Variants in SLC17A6 observed in about 807,000 individuals in gnomAD.
SLC17A6 encodes solute carrier family 17 member 6.
Under a neutral mutation model 67.1 loss-of-function variants are expected in SLC17A6, and 35 were observed. That is an observed-to-expected ratio of 0.52 (90% CI 0.40 to 0.69). The LOEUF is 0.69. SLC17A6 is among the 30% of genes least tolerant of loss of function. The probability of loss-of-function intolerance (pLI) is 0.00; values close to 1 mark genes in which losing one functional copy is unlikely to be tolerated. For synonymous variants in SLC17A6, 285 were observed against 252.3 expected (o/e 1.13, Z -1.23); for missense variants, 588 against 723.9 (o/e 0.81, Z 2.15).
At chr11:22,340,752 C>T (rs1411620046) in intron 1 of SLC17A6, among the ~76,000 whole-genome samples, 1 of 151,308 alleles carries the variant, frequency 6.6e-6, no homozygotes, top group East Asian at 1.9e-4. Context: ...GTCTCCAACT[C>T]GAGTAATAAG....
chr11:22,340,609 C>T (rs1295647147), intron 1 of SLC17A6, among the ~76,000 whole-genome samples: 1 of 152,130 alleles, frequency 6.6e-6, no homozygotes, highest in Non-Finnish European at 1.5e-5. Context: ...CATTTTGCGT[C>T]TTGGGAAATG....
At chr11:22,373,462 GA>G (rs919269735) in intron 8 of SLC17A6, among the ~76,000 whole-genome samples, 1 of 150,990 alleles carries the variant, frequency 6.6e-6, no homozygotes, top group Non-Finnish European at 1.5e-5. Flanking sequence ...AAGCAATAAT[GA>G]TTTTTTTTTT....
rs746688279 is a variant in SLC17A6 at position 22,343,234 on chromosome 11, T to A, written c.340-13T>A. 6.2e-7 allele frequency: 1 copy of A among 1,608,676 alleles called. No individual in the cohort carries two copies. Among genetic ancestry groups the A allele is most frequent in the Non-Finnish European group, 8.5e-7 (1 of 1,175,410 alleles). Reference sequence around the variant, plus strand: ...ACTCTTTCCCTTCACACTTTTTTCCTACCCCTCCATAGAAAGCCAAATTCA... The same window carrying A: ...ACTCTTTCCCTTCACACTTTTTTCCAACCCCTCCATAGAAAGCCAAATTCA... On this transcript the variant is annotated splice_polypyrimidine_tract_variant and intron_variant, in intron 2 of 11. Coordinates refer to ENST00000263160, the MANE Select transcript of SLC17A6 (RefSeq NM_020346.3).
chr11:22,366,248 G>C (rs1856110878), intron 7 of SLC17A6, among the ~76,000 whole-genome samples: 1 of 152,074 alleles, frequency 6.6e-6, no homozygotes, highest in Admixed American at 6.5e-5. Context: ...TATACTGTAA[G>C]GAAACTTAAG....
In SLC17A6 at chr11:22,341,585, G is replaced by A; in HGVS notation, c.144G>A (p.Lys48=). 6.2e-7 allele frequency: 1 copy of A among 1,614,034 alleles called. No individual in the cohort carries two copies. The highest frequency in any genetic ancestry group is 8.5e-7 in the Non-Finnish European group (1 of 1,180,034). The change falls in exon 2 of 12, where the codon AAG becomes AAA. Residue 48 remains lysine, a synonymous_variant. Transcript: ENST00000263160. ...GETIELTEDG[K]PLEVPERKAP... is the part of the protein sequence containing the mutation. ...CAATCGAGCTGACGGAGGATGGGAA[G>A]CCCCTAGAGGTGCCCGAGAGGAAGG...
At chr11:22,341,893 C>A in intron 2 of SLC17A6, 113 bp downstream of exon 2, 1 of 1,437,482 alleles carries the variant, frequency 7.0e-7, no homozygotes, top group South Asian at 1.4e-5. Context: ...TTTGGGTGCT[C>A]CCTAAGCTCC....
At chr11:22,361,659 T>G (rs1436711814) in intron 5 of SLC17A6, among the ~76,000 whole-genome samples, 1 of 152,202 alleles carries the variant, frequency 6.6e-6, no homozygotes, top group Non-Finnish European at 1.5e-5. Context: ...GAACATGTAT[T>G]AAAGCTTCAA....
intron 2 of SLC17A6, 140 bp from the exon 3 acceptor site, chr11:22,343,107 C>T (rs543229564): frequency 4.0e-6 from 3 of 751,208 alleles, no homozygotes; most frequent in East Asian, 2.5e-5. Context: ...TGTTAGGAAA[C>T]GAAAATGAAG....
chr11:22,345,604 A>C (rs1449080021), intron 3 of SLC17A6, among the ~76,000 whole-genome samples: 2 of 152,164 alleles, frequency 1.3e-5, no homozygotes, highest in Non-Finnish European at 2.9e-5. Flanking sequence ...GTTCTATGAT[A>C]CTGAGAAAAT....
intron 8 of SLC17A6, among the ~76,000 whole-genome samples, chr11:22,370,863 T>C (rs1050126085): frequency 1.3e-4 from 20 of 152,124 alleles, no homozygotes; most frequent in Admixed American, 3.9e-4. Flanking sequence ...GGGAATATAA[T>C]CATTTTGAGA....
At chr11:22,341,891 C>T in intron 2 of SLC17A6, 111 bp downstream of exon 2, 2 of 1,432,542 alleles carry the variant, frequency 1.4e-6, no homozygotes, top group Non-Finnish European at 1.9e-6. Flanking sequence ...GGTTTGGGTG[C>T]TCCCTAAGCT....
chr11:22,375,507 T>C (rs1856222693), intron 9 of SLC17A6, among the ~76,000 whole-genome samples: 1 of 151,990 alleles, frequency 6.6e-6, no homozygotes, highest in South Asian at 2.1e-4. Context: ...TGAGATGGAG[T>C]TTCACTCTTG....
At chr11:22,351,874 C>A (rs1312387761) in intron 3 of SLC17A6, among the ~76,000 whole-genome samples, 1 of 152,058 alleles carries the variant, frequency 6.6e-6, no homozygotes, top group Non-Finnish European at 1.5e-5. Flanking sequence ...TAAGAGTAAT[C>A]CTAGGGATAA....
chr11:22,360,837 A>G, intron 4 of SLC17A6, 60 bp from the exon 5 acceptor site: 2 of 1,445,790 alleles, frequency 1.4e-6, no homozygotes, highest in Non-Finnish European at 1.9e-6. Context: ...TTTGTACAGG[A>G]TACTAAAAAG....
chr11:22,341,278 C>A (rs1340197843), intron 1 of SLC17A6, among the ~76,000 whole-genome samples: 1 of 152,188 alleles, frequency 6.6e-6, no homozygotes, highest in Non-Finnish European at 1.5e-5. Context: ...GAGATGGGGA[C>A]TCGCTACCTT....
At chr11:22,346,781 A>G (rs1006821796) in intron 3 of SLC17A6, among the ~76,000 whole-genome samples, 11 of 149,798 alleles carry the variant, frequency 7.3e-5, no homozygotes, top group African/African-American at 2.7e-4. Flanking sequence ...AAGAACACGG[A>G]CACGTGTTTA....
chr11:22,353,648 AG>A (rs1317863622), intron 3 of SLC17A6, among the ~76,000 whole-genome samples: 1 of 152,252 alleles, frequency 6.6e-6, no homozygotes, highest in African/African-American at 2.4e-5. Flanking sequence ...AGCAGAACAG[AG>A]AACTTCATTT....
chr11:22,374,686 C>T, intron 8 of SLC17A6, 69 bp from the exon 9 acceptor site: 3 of 1,306,204 alleles, frequency 2.3e-6, no homozygotes, highest in Non-Finnish European at 3.1e-6. Flanking sequence ...GATTCAGAAA[C>T]AAAGGCCATT....
In SLC17A6 at chr11:22,359,469, C is replaced by G; in HGVS notation, c.515C>G (p.Ala172Gly). Residue 172 changes from alanine to glycine, a missense_variant, in exon 4 of 12, where the codon GCA (alanine) becomes GGA (glycine). Coordinates refer to ENST00000263160, the MANE Select transcript of SLC17A6 (RefSeq NM_020346.3). The part of the protein sequence containing the change: ...TSTLNMLIPS[A>G]ARVHYGCVIF... ...ACCCTAAATATGCTAATTCCATCAGCAGCCAGAGTGCATTATGGATGTGTC... is the reference window on the plus strand; with the variant it reads ...ACCCTAAATATGCTAATTCCATCAGGAGCCAGAGTGCATTATGGATGTGTC... The G allele has an allele frequency of 6.2e-7, 1 of 1,605,110 alleles. No individual in the cohort carries two copies. The highest frequency in any genetic ancestry group is 1.1e-5 in the South Asian group (1 of 89,466).
Sources: gnomAD v4.1 joint callset for allele counts (sites outside exome capture counted in the v4.1 genomes callset) on GRCh38, gnomAD v4.1.1 for gene constraint, MANE v1.5 for transcripts, NCBI Gene and HGNC (gene_info 2026-07-23, HGNC 2026-07-21) for gene names.